CNBD1: variants seen among roughly 807,000 people sequenced by gnomAD.
CNBD1 encodes cyclic nucleotide-binding domain-containing protein 1.
CNBD1 carries 71 observed loss-of-function variants against 54.4 expected under a neutral mutation model. That is an observed-to-expected ratio of 1.30 (90% CI 1.08 to 1.59). The LOEUF (loss-of-function observed/expected upper bound fraction) is 1.59, where lower values mean the gene tolerates loss of function less well. Among genes scored for constraint, CNBD1 ranks in the 40% most tolerant of loss-of-function variants. The pLI is 0.00. For missense variants in CNBD1, 659 were observed against 518.0 expected (o/e 1.27, Z -2.64); for synonymous variants, 182 against 170.7 (o/e 1.07, Z -0.51).
At chr8:87,393,904 A>G (rs1811360655) in intron 2 of CNBD1, among the ~76,000 whole-genome samples, 1 of 151,682 alleles carries the variant, frequency 6.6e-6, no homozygotes, top group Non-Finnish European at 1.5e-5. Context: ...CACATTGGCT[A>G]TTTAGAAAAT....
intron 8 of CNBD1, among the ~76,000 whole-genome samples, chr8:87,337,730 G>T (rs542790987): frequency 2.6e-5 from 4 of 152,208 alleles, no homozygotes; most frequent in African/African-American, 4.8e-5. Context: ...CAGGTGTCCC[G>T]TGTGGCTCTC....
At chr8:87,373,339 G>C (rs1810858848) in intron 10 of CNBD1, among the ~76,000 whole-genome samples, 3 of 151,734 alleles carry the variant, frequency 2.0e-5, no homozygotes. Context: ...GAAATATATT[G>C]TTGACCCTAA....
At chr8:87,224,293 T>G (rs1282171303) in intron 5 of CNBD1, among the ~76,000 whole-genome samples, 1 of 150,100 alleles carries the variant, frequency 6.7e-6, no homozygotes, top group Non-Finnish European at 1.5e-5. Context: ...TTGCTTTTGG[T>G]GTTTTAGACA....
At chr8:87,180,908 A>G (rs1813298333) in intron 4 of CNBD1, among the ~76,000 whole-genome samples, 1 of 152,160 alleles carries the variant, frequency 6.6e-6, no homozygotes. Context: ...TTTGCTGTAA[A>G]CAAGTATCGA....
intron 2 of CNBD1, among the ~76,000 whole-genome samples, chr8:86,894,996 AAGAT>A (rs1330770462): frequency 6.6e-6 from 1 of 152,220 alleles, no homozygotes; most frequent in Non-Finnish European, 1.5e-5. Context: ...AAAGATAGAG[AAGAT>A]AGAGAAAGAC....
intron 4 of CNBD1, among the ~76,000 whole-genome samples, chr8:87,131,022 G>T (rs1018029422): frequency 6.6e-6 from 1 of 151,340 alleles, no homozygotes. Flanking sequence ...CTTCTTACCC[G>T]GTTTACATAA....
chr8:87,235,675 T>C (rs1008659869), intron 5 of CNBD1, among the ~76,000 whole-genome samples: 2 of 152,024 alleles, frequency 1.3e-5, no homozygotes, highest in Non-Finnish European at 2.9e-5. Flanking sequence ...ACAACAGATA[T>C]AATAATAATG....
At chr8:87,324,392 T>G (rs1253533852) in intron 8 of CNBD1, among the ~76,000 whole-genome samples, 1 of 127,670 alleles carries the variant, frequency 7.8e-6, no homozygotes, top group South Asian at 2.3e-4. Context: ...CAGTTCCTCC[T>G]TGTACCTCTG....
At chr8:87,422,916 T>G (rs904911029) in intron 2 of CNBD1, among the ~76,000 whole-genome samples, 1 of 152,064 alleles carries the variant, frequency 6.6e-6, no homozygotes, top group Non-Finnish European at 1.5e-5. Context: ...GCATGGAATG[T>G]TCTTCCGTTT....
At chr8:87,397,368 C>A (rs1811428642) in intron 2 of CNBD1, among the ~76,000 whole-genome samples, 1 of 151,832 alleles carries the variant, frequency 6.6e-6, no homozygotes, top group South Asian at 2.1e-4. Flanking sequence ...TGTAATAAGG[C>A]AATATTGATA....
intron 4 of CNBD1, among the ~76,000 whole-genome samples, chr8:87,114,999 G>A (rs79924618): frequency 0.011 from 1,685 of 152,236 alleles, 45 homozygotes; most frequent in African/African-American, 0.039. Flanking sequence ...AGGCTAATAT[G>A]GTACCACAGA....
intron 2 of CNBD1, among the ~76,000 whole-genome samples, chr8:87,395,997 C>G (rs1055547266): frequency 2.6e-5 from 4 of 151,882 alleles, no homozygotes; most frequent in African/African-American, 9.7e-5. Context: ...TGAGGCCTCC[C>G]AGCCCTGAAG....
intron 4 of CNBD1, among the ~76,000 whole-genome samples, chr8:87,119,892 A>G (rs1441893621): frequency 6.6e-6 from 1 of 151,954 alleles, no homozygotes; most frequent in Non-Finnish European, 1.5e-5. Context: ...ATTTATTTGC[A>G]TATGTTGAAC....
chr8:87,311,319 C>T (rs1439671500), intron 8 of CNBD1, among the ~76,000 whole-genome samples: 1 of 151,982 alleles, frequency 6.6e-6, no homozygotes, highest in East Asian at 1.9e-4. Flanking sequence ...TTAAAGAAGA[C>T]ATAAATGAAG....
intron 5 of CNBD1, 65 bp downstream of exon 5, chr8:87,206,203 T>TCATTATAAG: frequency 4.8e-6 from 6 of 1,252,344 alleles, no homozygotes; most frequent in Non-Finnish European, 5.4e-6. Context: ...GAGTTCTTTA[T>TCATTATAAG]CATTATAATG....
chr8:87,256,346 G>C (rs1180699445), intron 6 of CNBD1, among the ~76,000 whole-genome samples: 1 of 151,484 alleles, frequency 6.6e-6, no homozygotes, highest in Non-Finnish European at 1.5e-5. Context: ...TAAATTAAGA[G>C]AACTGTACTC....
chr8:87,272,508 T>A (rs993689013), intron 6 of CNBD1, among the ~76,000 whole-genome samples: 8 of 152,008 alleles, frequency 5.3e-5, no homozygotes, highest in Admixed American at 3.3e-4. Context: ...ATGTGAGCAA[T>A]TGAATTTAGT....
chr8:86,996,913 A>C (rs1808886486), intron 4 of CNBD1, among the ~76,000 whole-genome samples: 1 of 152,134 alleles, frequency 6.6e-6, no homozygotes, highest in Admixed American at 6.6e-5. Context: ...CATAGATGGT[A>C]CCTTTTTGGT....
intron 4 of CNBD1, among the ~76,000 whole-genome samples, chr8:87,178,757 T>A (rs910113943): frequency 6.6e-6 from 1 of 152,206 alleles, no homozygotes; most frequent in Admixed American, 6.5e-5. Context: ...ATTCCCTTGA[T>A]GCTACCTTCA....
Sources: gnomAD v4.1 joint callset for allele counts (sites outside exome capture counted in the v4.1 genomes callset) on GRCh38, gnomAD v4.1.1 for gene constraint, MANE v1.5 for transcripts, NCBI Gene and HGNC (gene_info 2026-07-23, HGNC 2026-07-21) for gene names.